ODAD4: variants seen among roughly 807,000 people sequenced by gnomAD.
ODAD4 encodes the protein outer dynein arm-docking complex subunit 4.
A neutral mutation model predicts 51.8 loss-of-function variants in ODAD4; 49 were observed. That is an observed-to-expected ratio of 0.95 (90% CI 0.75 to 1.20). The LOEUF (loss-of-function observed/expected upper bound fraction) is 1.20, where lower values mean the gene tolerates loss of function less well. Among genes scored for constraint, ODAD4 ranks in the 50% most tolerant of loss-of-function variants. The pLI is 0.00. For missense variants in ODAD4, 590 were observed against 586.5 expected (o/e 1.01, Z -0.06); for synonymous variants, 235 against 221.3 (o/e 1.06, Z -0.55).
At chr17:41,931,117 G>A (rs2050329023) in intron 1 of ODAD4, among the ~76,000 whole-genome samples, 1 of 151,730 alleles carries the variant, frequency 6.6e-6, no homozygotes, top group Non-Finnish European at 1.5e-5. Context: ...GGCTGGTCTC[G>A]AACTCCTGAC....
chr17:41,944,800 G>A (rs566571917), intron 7 of ODAD4, among the ~76,000 whole-genome samples: 1 of 151,620 alleles, frequency 6.6e-6, no homozygotes, highest in Admixed American at 6.6e-5. Context: ...AAAAAAAAAA[G>A]TAATTATTTT....
At chr17:41,932,752 T>C (rs1394556072) in intron 1 of ODAD4, among the ~76,000 whole-genome samples, 14 of 139,004 alleles carry the variant, frequency 1.0e-4, no homozygotes, top group African/African-American at 3.2e-4. Flanking sequence ...TTTGTAGAGA[T>C]AGGTGTTTTG....
Position 41,966,115 on chromosome 17 carries a change from T to G in ODAD4, c.*632T>G, listed in dbSNP as rs2050883430. 6.6e-6 allele frequency among the ~76,000 whole-genome samples: 1 copy of G among 152,216 alleles called. No homozygotes were observed. The highest frequency in any genetic ancestry group is 1.5e-5 in the Non-Finnish European group (1 of 68,046). On this transcript the variant is annotated 3_prime_UTR_variant, in exon 12 of 12. Coordinates refer to ENST00000377540, the MANE Select transcript of ODAD4 (RefSeq NM_031421.5). Reference sequence around the variant, plus strand: ...CTGCCTCAGGGGTTGCTGCGAGGACTGAGTGCTTAGCACAGCACTTGGACA... The same window carrying G: ...CTGCCTCAGGGGTTGCTGCGAGGACGGAGTGCTTAGCACAGCACTTGGACA...
At chr17:41,955,418 T>G (rs369984764) in intron 10 of ODAD4, 101 bp downstream of exon 10, 7 of 643,710 alleles carry the variant, frequency 1.1e-5, no homozygotes, top group South Asian at 5.0e-5. Context: ...TCCACAGCCG[T>G]TTTTTTGTTT....
rs1555642734 is a variant in ODAD4, at chr17:41,966,148, C to A, written c.*665C>A. Among the ~76,000 whole-genome samples, 2 of 152,296 alleles carry A rather than the reference C, an allele frequency of 1.3e-5. No individual in the cohort carries two copies. Among genetic ancestry groups the A allele is most frequent in the Non-Finnish European group, 2.9e-5 (2 of 68,018 alleles). On this transcript the variant is annotated 3_prime_UTR_variant, in exon 12 of 12. Transcript: ENST00000377540. ...TAGCACAGCACTTGGACAGGAAACT[C>A]AAAAATCCAACGGAGCTCTCAGTGG...
intron 2 of ODAD4, 55 bp from the exon 3 acceptor site, chr17:41,935,544 G>C: frequency 1.3e-6 from 2 of 1,572,380 alleles, no homozygotes; most frequent in Admixed American, 3.7e-5. Context: ...TCCACCACAT[G>C]TGAGTCCTAT....
chr17:41,958,353 C>T (rs2050760153), intron 10 of ODAD4, among the ~76,000 whole-genome samples: 1 of 152,060 alleles, frequency 6.6e-6, no homozygotes, highest in Admixed American at 6.6e-5. Flanking sequence ...CTGCTAGCCA[C>T]GTGAGGCTAA....
intron 10 of ODAD4, among the ~76,000 whole-genome samples, chr17:41,956,485 C>CTTT (rs33985289): frequency 0.011 from 1,175 of 110,838 alleles, 24 homozygotes; most frequent in South Asian, 0.015. Context: ...CATGCCCGGC[C>CTTT]TTTTTTTTTT....
intron 1 of ODAD4, among the ~76,000 whole-genome samples, chr17:41,931,155 A>G (rs960778621): frequency 6.6e-6 from 1 of 151,904 alleles, no homozygotes; most frequent in African/African-American, 2.4e-5. Context: ...TCGGCCTCCC[A>G]AAGTGCTGGG....
chr17:41,952,730 C>CT, intron 9 of ODAD4: 26 of 497,482 alleles, frequency 5.2e-5, no homozygotes, highest in Non-Finnish European at 7.3e-5. Context: ...GTGTAATAGC[C>CT]TTTTTTTTCT....
At chr17:41,944,796 A>G (rs1555639270) in intron 7 of ODAD4, among the ~76,000 whole-genome samples, 1 of 152,122 alleles carries the variant, frequency 6.6e-6, no homozygotes, top group Non-Finnish European at 1.5e-5. Context: ...CTCAAAAAAA[A>G]AAAGTAATTA....
chr17:41,951,170 C>T lies in ODAD4; in HGVS notation c.1342+1821C>T, dbSNP rs1007293933. 1.3e-4 allele frequency among the ~76,000 whole-genome samples: 19 copies of T among 150,728 alleles called. No homozygotes were observed. In the South Asian group the frequency reaches 3.6e-3, roughly 28 times the overall value. ...CACAATCTTGGCTCACTGCAACCTC[C>T]GCCTCCCGTGTTCAAGCTATTCTCC... On this transcript the variant is annotated intron_variant, in intron 9 of 11. Coordinates refer to ENST00000377540, the MANE Select transcript of ODAD4 (RefSeq NM_031421.5).
At chr17:41,937,687 G>A (rs1440356871) in intron 5 of ODAD4, among the ~76,000 whole-genome samples, 1 of 152,164 alleles carries the variant, frequency 6.6e-6, no homozygotes, top group Non-Finnish European at 1.5e-5. Context: ...GGCCAGGCTG[G>A]TTTTGAACTC....
intron 9 of ODAD4, among the ~76,000 whole-genome samples, chr17:41,950,962 T>A (rs1056969996): frequency 1.3e-5 from 2 of 152,074 alleles, no homozygotes; most frequent in Non-Finnish European, 2.9e-5. Flanking sequence ...TGCCCGCCTC[T>A]GCCTCCCAAA....
At position 41,965,359 on chromosome 17, in the gene ODAD4, C is replaced by A. The variant is rs2050867259; in HGVS notation, c.1895C>A (p.Pro632Gln). 1.3e-6 allele frequency: 1 copy of A among 780,336 alleles called. No individual in the cohort carries two copies. Among genetic ancestry groups the A allele is most frequent in the Admixed American group, 1.7e-5 (1 of 58,968 alleles). 48.3% of individuals were successfully genotyped at this position (780,336 alleles called of 1,614,324 possible). ...RLSGEFSRQE[P>Q]EELKKLSEVG... ...TCAGGAGAATTCAGCAGACAGGAAC[C>A]AGAAGAACTAAAGAAACTTTCAGAA... Residue 632 changes from proline to glutamine, a missense_variant, in exon 12 of 12, where the codon CCA (proline) becomes CAA (glutamine). By Grantham distance (76) the Pro-to-Gln change is moderately conservative. Around this residue, in one of 3 missense-constraint regions of ODAD4, gnomAD observed 226 missense variants for 162.7 expected, o/e 1.39. Transcript: ENST00000377540.
intron 10 of ODAD4, among the ~76,000 whole-genome samples, chr17:41,959,629 G>A (rs1249997595): frequency 6.6e-6 from 1 of 152,156 alleles, no homozygotes. Context: ...GTGGGAGGTC[G>A]GCGCTGAGGG....
At chr17:41,962,890 A>G (rs1598094434) in intron 11 of ODAD4, among the ~76,000 whole-genome samples, 4 of 152,322 alleles carry the variant, frequency 2.6e-5, no homozygotes, top group African/African-American at 9.6e-5. Flanking sequence ...TTTCTGGTCC[A>G]GGCAGGGCAG....
chr17:41,938,773 T>A lies in ODAD4; in HGVS notation c.842T>A (p.Ile281Asn). 1 of 1,612,934 alleles carries A rather than the reference T, an allele frequency of 6.2e-7. No individual in the cohort carries two copies. Among genetic ancestry groups the A allele is most frequent in the Non-Finnish European group, 8.5e-7 (1 of 1,179,814 alleles). ...TACATCCTCAAGAGCCTGGAGGACA[T>A]TGATATGTGTAGGTGTTGTTCTCAG... ...AHYILKSLED[I>N]DMLLTSGSAE... The change falls in exon 6 of 12, where the codon ATT (isoleucine) becomes AAT (asparagine). Residue 281 changes from isoleucine (I) to asparagine (N), a missense_variant. By Grantham distance (149) the Ile-to-Asn change is moderately radical (BLOSUM62 -3). Transcript: ENST00000377540.
intron 11 of ODAD4, among the ~76,000 whole-genome samples, chr17:41,962,954 AC>A (rs1280602542): frequency 2.4e-4 from 37 of 152,124 alleles, no homozygotes; most frequent in Admixed American, 2.0e-3. Context: ...ATTATCCAGC[AC>A]CTGCTCTGTG....
Sources: gnomAD v4.1 joint callset for allele counts (sites outside exome capture counted in the v4.1 genomes callset) on GRCh38, gnomAD v4.1.1 for gene constraint, gnomAD v4.1.1 regional missense constraint, MANE v1.5 for transcripts, NCBI Gene and HGNC (gene_info 2026-07-23, HGNC 2026-07-21) for gene names.